ATG5: variants seen among roughly 807,000 people sequenced by gnomAD.
The protein encoded by ATG5 is autophagy related 5.
In ATG5, 14 loss-of-function variants were observed where a neutral mutation model predicts 36.5. The ratio of observed to expected loss-of-function variants is 0.38; its 90% CI spans 0.25 to 0.60. The LOEUF is 0.60. Among genes scored for constraint, ATG5 ranks in the 20% least tolerant of loss-of-function variants. The pLI is 0.60. For synonymous variants in ATG5, 95 were observed against 101.5 expected, an observed-to-expected ratio of 0.94 and a Z score of 0.38; for missense variants, 195 against 326.7, an observed-to-expected ratio of 0.60 and a Z score of 3.11.
At chr6:106,268,366 A>C (rs1056950249) in intron 5 of ATG5, among the ~76,000 whole-genome samples, 1 of 152,244 alleles carries the variant, frequency 6.6e-6, no homozygotes, top group African/African-American at 2.4e-5. Context: ...ATTATTAAAA[A>C]GTCAGGAAAC....
chr6:106,301,618 C>G (rs1214443137), intron 3 of ATG5, among the ~76,000 whole-genome samples: 1 of 151,840 alleles, frequency 6.6e-6, no homozygotes, highest in East Asian at 1.9e-4. Context: ...GGTTTAAGTA[C>G]AAAGAAAAAT....
intron 7 of ATG5, among the ~76,000 whole-genome samples, chr6:106,197,778 G>C (rs1332861960): frequency 1.3e-5 from 2 of 152,130 alleles, no homozygotes; most frequent in African/African-American, 4.8e-5. Flanking sequence ...AGAGCTGTGA[G>C]TTAAATAAAC....
chr6:106,222,904 G>A (rs549810887), intron 6 of ATG5, among the ~76,000 whole-genome samples: 27 of 152,160 alleles, frequency 1.8e-4, no homozygotes, highest in East Asian at 9.6e-4. Flanking sequence ...TCAATAAAGC[G>A]CAATAAATGT....
At chr6:106,227,956 T>C (rs1463708130) in intron 6 of ATG5, among the ~76,000 whole-genome samples, 1 of 152,130 alleles carries the variant, frequency 6.6e-6, no homozygotes, top group Non-Finnish European at 1.5e-5. Context: ...GTAAAAAAGC[T>C]TAAGGTAAAA....
chr6:106,288,872 GTC>G (rs1780190104), intron 4 of ATG5, among the ~76,000 whole-genome samples: 1 of 152,096 alleles, frequency 6.6e-6, no homozygotes, highest in African/African-American at 2.4e-5. Flanking sequence ...GAGGAAATAT[GTC>G]TGTTTGAAAA....
intron 6 of ATG5, among the ~76,000 whole-genome samples, chr6:106,228,555 G>A (rs140942705): frequency 1.3e-5 from 2 of 152,120 alleles, no homozygotes; most frequent in Non-Finnish European, 2.9e-5. Flanking sequence ...AGAACCCCAG[G>A]TCAGAGAACA....
intron 6 of ATG5, among the ~76,000 whole-genome samples, chr6:106,223,371 T>C (rs1176405366): frequency 6.6e-6 from 1 of 152,186 alleles, no homozygotes. Context: ...GGGAAAAACA[T>C]ATCTGCCAAA....
chr6:106,290,079 A>G (rs947666822), intron 4 of ATG5, among the ~76,000 whole-genome samples: 1 of 151,682 alleles, frequency 6.6e-6, no homozygotes, highest in Non-Finnish European at 1.5e-5. Flanking sequence ...ATAGAGTGCA[A>G]TCACTGTGAG....
At chr6:106,274,424 T>C (rs1282962726) in intron 5 of ATG5, among the ~76,000 whole-genome samples, 1 of 152,140 alleles carries the variant, frequency 6.6e-6, no homozygotes, top group Non-Finnish European at 1.5e-5. Flanking sequence ...TTTCACAGAG[T>C]TCTGAGAAAT....
chr6:106,268,276 A>C (rs1238373292), intron 5 of ATG5, among the ~76,000 whole-genome samples: 1 of 152,258 alleles, frequency 6.6e-6, no homozygotes, highest in African/African-American at 2.4e-5. Flanking sequence ...AACATGAAAA[A>C]AAGCTCATCT....
chr6:106,205,461 T>C (rs1468018214), intron 6 of ATG5, among the ~76,000 whole-genome samples: 3 of 152,218 alleles, frequency 2.0e-5, no homozygotes, highest in Non-Finnish European at 2.9e-5. Flanking sequence ...GTGGTGAATA[T>C]CCTCATTTGA....
At chr6:106,247,371 A>G (rs1778381470) in intron 6 of ATG5, among the ~76,000 whole-genome samples, 1 of 152,254 alleles carries the variant, frequency 6.6e-6, no homozygotes, top group Non-Finnish European at 1.5e-5. Flanking sequence ...CAGCACTTTT[A>G]AAGTACAGAA....
At chr6:106,306,980 T>C (rs186295996) in intron 3 of ATG5, among the ~76,000 whole-genome samples, 3 of 152,194 alleles carry the variant, frequency 2.0e-5, no homozygotes, top group African/African-American at 7.2e-5. Context: ...GAAAGAATGC[T>C]ATAACAAGAC....
chr6:106,209,846 TAAA>T (rs976354664), intron 6 of ATG5, among the ~76,000 whole-genome samples: 1 of 152,204 alleles, frequency 6.6e-6, no homozygotes, highest in Non-Finnish European at 1.5e-5. Context: ...TATCTCAAAA[TAAA>T]AATTTTTTTC....
At chr6:106,303,576 C>A (rs550524315) in intron 3 of ATG5, among the ~76,000 whole-genome samples, 2 of 152,194 alleles carry the variant, frequency 1.3e-5, no homozygotes, top group East Asian at 3.9e-4. Context: ...GCCCGTATAA[C>A]CCTAATGCTA....
intron 6 of ATG5, among the ~76,000 whole-genome samples, chr6:106,220,650 A>G (rs1777211490): frequency 6.6e-6 from 1 of 152,294 alleles, no homozygotes; most frequent in African/African-American, 2.4e-5. Context: ...AGCAACTCTC[A>G]TATTTACCCA....
intron 3 of ATG5, among the ~76,000 whole-genome samples, chr6:106,302,162 G>A (rs577705218): frequency 9.9e-5 from 15 of 152,152 alleles, no homozygotes; most frequent in Non-Finnish European, 1.9e-4. Flanking sequence ...ATGAGCTACA[G>A]GAGGGAATAT....
intron 1 of ATG5, among the ~76,000 whole-genome samples, chr6:106,322,975 A>C (rs1771148547): frequency 6.6e-6 from 1 of 151,496 alleles, no homozygotes; most frequent in Admixed American, 6.6e-5. Flanking sequence ...GCTGGAGTGC[A>C]GTGGCGCAAT....
chr6:106,221,615 G>C (rs1480627439), intron 6 of ATG5, among the ~76,000 whole-genome samples: 1 of 147,728 alleles, frequency 6.8e-6, no homozygotes, highest in Non-Finnish European at 1.5e-5. Context: ...GGGCCTGGGA[G>C]ATCAAAGCTG....
Sources: allele counts gnomAD v4.1 joint callset (sites outside exome capture counted in the v4.1 genomes callset), GRCh38; gene constraint gnomAD v4.1.1; transcripts MANE v1.5; gene names NCBI Gene and HGNC (gene_info 2026-07-23, HGNC 2026-07-21).